The following PLXNA4 variants were observed in gnomAD, a reference collection of about 807,000 sequenced individuals.
PLXNA4 encodes plexin A4.
A neutral mutation model predicts 191.8 loss-of-function variants in PLXNA4; 44 were observed. The ratio of observed to expected loss-of-function variants is 0.23; its 90% CI spans 0.18 to 0.29. PLXNA4 has a LOEUF of 0.29. Ranked by LOEUF, PLXNA4 falls within the 10% of genes least tolerant of loss-of-function variation. The pLI is 1.00. For missense variants in PLXNA4, 1,800 were observed against 2,488.8 expected, an observed-to-expected ratio of 0.72 and a Z score of 5.89; for synonymous variants, 1,082 against 1,009.5, an observed-to-expected ratio of 1.07 and a Z score of -1.36.
chr7:132,485,502 GAA>G (rs1262230276), intron 3 of PLXNA4, among the ~76,000 whole-genome samples: 1 of 152,330 alleles, frequency 6.6e-6, no homozygotes, highest in East Asian at 1.9e-4. Flanking sequence ...GCAAGAGAGG[GAA>G]AAGATTCCAG....
intron 1 of PLXNA4, among the ~76,000 whole-genome samples, chr7:132,530,307 A>G (rs1799573335): frequency 6.6e-6 from 1 of 152,248 alleles, no homozygotes; most frequent in Non-Finnish European, 1.5e-5. Context: ...ATTTAAAAAT[A>G]GACCCAAAAG....
chr7:132,415,254 C>T (rs1794621769), intron 3 of PLXNA4, among the ~76,000 whole-genome samples: 1 of 152,232 alleles, frequency 6.6e-6, no homozygotes, highest in Admixed American at 6.5e-5. Flanking sequence ...CCCTGCTCCC[C>T]ATCGCCCAAA....
intron 25 of PLXNA4, among the ~76,000 whole-genome samples, chr7:132,158,803 T>G (rs1795866444): frequency 6.6e-6 from 1 of 152,176 alleles, no homozygotes; most frequent in Non-Finnish European, 1.5e-5. Context: ...CCCATGAGGA[T>G]TTCCCCAGGA....
At position 132,298,640 on chromosome 7, in the gene PLXNA4, T is replaced by C. The variant is rs139624276; in HGVS notation, c.1372-418A>G. ...CTGCATTTGTTAGCAGAAAAACATG[T>C]CAGTGTAAGGATGGGAACTGCTACC... is the stretch of plus-strand genomic sequence containing the variant. On this transcript the variant is annotated intron_variant, in intron 3 of 31. Coordinates refer to ENST00000321063, the MANE Select transcript of PLXNA4 (RefSeq NM_020911.2). Among the ~76,000 whole-genome samples, 34 of 152,376 alleles carry C rather than the reference T, an allele frequency of 2.2e-4. No individual in the cohort carries two copies. In the East Asian group the frequency reaches 6.6e-3, roughly 29 times the overall value.
chr7:132,507,308 C>G (rs1798505202), intron 2 of PLXNA4, among the ~76,000 whole-genome samples, 198 bp downstream of exon 2: 1 of 152,202 alleles, frequency 6.6e-6, no homozygotes, highest in African/African-American at 2.4e-5. Flanking sequence ...AGCTCCCACT[C>G]TGACTCTTAT....
chr7:132,421,346 G>A (rs1794844228), intron 3 of PLXNA4, among the ~76,000 whole-genome samples: 1 of 152,154 alleles, frequency 6.6e-6, no homozygotes, highest in Non-Finnish European at 1.5e-5. Flanking sequence ...TAGAATGTAA[G>A]AGGAGTTTTA....
Position 132,202,711 on chromosome 7 carries a change from G to C in PLXNA4, c.2521C>G (p.Gln841Glu). 4.4e-6 allele frequency: 7 copies of C among 1,602,480 alleles called. No individual in the cohort carries two copies. Among genetic ancestry groups the C allele is most frequent in the Non-Finnish European group, 6.0e-6 (7 of 1,173,902 alleles). The change falls in exon 12 of 32, where the codon CAG becomes GAG. Residue 841 changes from glutamine to glutamate, a missense_variant. Physicochemically the swap from Gln to Glu is conservative, Grantham distance 29. This residue lies in a region of PLXNA4 where 1,397 missense variants were observed against 1,880.4 expected (regional missense o/e 0.74). Transcript: ENST00000321063. The part of the protein sequence containing the change: ...QCTLRQHCPA[Q>E]ESQWLELSGA... ...GACAGCTCCAGCCACTGGCTCTCCT[G>C]GGCAGGGCAGTGCTGGCGCAGGGTG...
intron 13 of PLXNA4, among the ~76,000 whole-genome samples, chr7:132,196,285 T>G (rs1338757249): frequency 6.6e-6 from 1 of 152,254 alleles, no homozygotes; most frequent in Non-Finnish European, 1.5e-5. Context: ...CACGCTGCCT[T>G]GCACCCATGT....
At chr7:132,139,157 A>G (rs1795195747) in intron 30 of PLXNA4, among the ~76,000 whole-genome samples, 1 of 152,212 alleles carries the variant, frequency 6.6e-6, no homozygotes, top group Non-Finnish European at 1.5e-5. Flanking sequence ...TTCCTTTTGG[A>G]CAGCTGAGGT....
intron 13 of PLXNA4, among the ~76,000 whole-genome samples, chr7:132,195,935 G>A (rs1421348644): frequency 6.6e-6 from 1 of 152,070 alleles, no homozygotes; most frequent in African/African-American, 2.4e-5. Flanking sequence ...TATGTTTTAT[G>A]TTTCTCTTAG....
intron 3 of PLXNA4, among the ~76,000 whole-genome samples, chr7:132,436,049 G>T (rs1394740309): frequency 2.0e-5 from 3 of 152,224 alleles, no homozygotes; most frequent in South Asian, 2.1e-4. Flanking sequence ...AATGATGGGT[G>T]ACTTCTAGGT....
At chr7:132,606,791 T>C (rs924841543) in intron 2 of PLXNA4, among the ~76,000 whole-genome samples, 2 of 152,224 alleles carry the variant, frequency 1.3e-5, no homozygotes, top group Non-Finnish European at 2.9e-5. Context: ...GCACCTGATA[T>C]ATGGCAAAAA....
intron 3 of PLXNA4, among the ~76,000 whole-genome samples, chr7:132,311,200 G>GCGTC (rs1801727310): frequency 6.6e-6 from 1 of 151,380 alleles, no homozygotes; most frequent in Non-Finnish European, 1.5e-5. Flanking sequence ...GTGTGCGCGT[G>GCGTC]TGGCCTAAAG....
intron 1 of PLXNA4, among the ~76,000 whole-genome samples, chr7:132,560,874 C>A (rs1316746616): frequency 1.3e-5 from 2 of 152,182 alleles, no homozygotes; most frequent in East Asian, 3.8e-4. Context: ...CTTCTCAGAT[C>A]AGCCCCTTTC....
Position 132,514,912 on chromosome 7 carries a change from G to A in PLXNA4, c.-86-6133C>T, listed in dbSNP as rs143845357. ...TTTGAAACACACTTTCAGAGACGGTGCATACCTGTTGTTTTTGCTGTCATT... is the reference window on the plus strand; with the variant it reads ...TTTGAAACACACTTTCAGAGACGGTACATACCTGTTGTTTTTGCTGTCATT... On this transcript the variant is annotated intron_variant, in intron 1 of 31. Coordinates refer to ENST00000321063, the MANE Select transcript of PLXNA4 (RefSeq NM_020911.2). 5.1e-3 allele frequency among the ~76,000 whole-genome samples: 772 copies of A among 152,250 alleles called. 3 individuals are homozygous for A. Among genetic ancestry groups the A allele is most frequent in the Middle Eastern group, 0.044 (13 of 294 alleles).
chr7:132,490,517 C>CAA (rs1797755487), intron 2 of PLXNA4, among the ~76,000 whole-genome samples: 1 of 145,518 alleles, frequency 6.9e-6, no homozygotes, highest in Non-Finnish European at 1.5e-5. Context: ...CCTTGACTTA[C>CAA]CAGGCTCAAG....
At chr7:132,398,540 G>A (rs1793852584) in intron 3 of PLXNA4, among the ~76,000 whole-genome samples, 1 of 152,228 alleles carries the variant, frequency 6.6e-6, no homozygotes, top group African/African-American at 2.4e-5. Flanking sequence ...TTTTCATGAA[G>A]CCAGTGAGCC....
intron 29 of PLXNA4, 23 bp downstream of exon 29, chr7:132,145,096 C>G (rs1440699072): frequency 1.2e-6 from 2 of 1,613,364 alleles, no homozygotes; most frequent in Non-Finnish European, 1.7e-6. Context: ...TCCCGATGTG[C>G]CCCCTGCCCT....
intron 20 of PLXNA4, among the ~76,000 whole-genome samples, chr7:132,178,713 T>C (rs373121137): frequency 0.02 from 2,253 of 111,918 alleles, 72 homozygotes; most frequent in Non-Finnish European, 0.025. Context: ...CACATACACA[T>C]ACACACACAC....
Sources: gnomAD v4.1 joint callset for allele counts (sites outside exome capture counted in the v4.1 genomes callset) on GRCh38, gnomAD v4.1.1 for gene constraint, gnomAD v4.1.1 regional missense constraint, MANE v1.5 for transcripts, NCBI Gene and HGNC (gene_info 2026-07-23, HGNC 2026-07-21) for gene names.